The following SMARCA5 variants were observed in gnomAD, a reference collection of about 807,000 sequenced individuals.
SMARCA5 encodes the protein SNF2 related chromatin remodeling ATPase 5, also known as SWI/SNF-related matrix-associated actin-dependent regulator of chromatin subfamily A member 5.
SMARCA5 carries 18 observed loss-of-function variants against 140.4 expected under a neutral mutation model. The observed-to-expected ratio is 0.13, with a 90% CI of 0.09 to 0.19. SMARCA5 has a LOEUF of 0.19. SMARCA5 is among the 10% of genes least tolerant of loss of function. SMARCA5 has a pLI of 1.00. For synonymous variants in SMARCA5, 449 were observed against 419.6 expected (o/e 1.07, Z -0.86); for missense variants, 606 against 1,276.8 (o/e 0.47, Z 8.01).
At chr4:143,528,050 C>T in intron 7 of SMARCA5, 27 bp downstream of exon 7, 2 of 1,510,248 alleles carry the variant, frequency 1.3e-6, no homozygotes, top group Non-Finnish European at 1.8e-6. Flanking sequence ...ATGTGAAAAG[C>T]CTTCATGTAA....
intron 5 of SMARCA5, 56 bp downstream of exon 5, chr4:143,525,607 C>A (rs964604118): frequency 2.5e-6 from 3 of 1,205,022 alleles, no homozygotes; most frequent in East Asian, 2.3e-5. Flanking sequence ...ATATCTTATA[C>A]GTTGATAAAA....
rs1185184189 is a variant in SMARCA5 at position 143,547,987 on chromosome 4, A to G, written c.2832A>G (p.Gly944=). Residue 944 remains glycine, a synonymous_variant, in exon 22 of 24, where the codon GGA becomes GGG. Transcript: ENST00000283131. ...QLRISYGTNK[G]KNYTEEEDRF... ...GAATATCATATGGTACTAACAAAGGAAAAAACTATACTGAAGAAGAAGATC... is the reference window on the plus strand; with the variant it reads ...GAATATCATATGGTACTAACAAAGGGAAAAACTATACTGAAGAAGAAGATC... 20 of 1,611,968 alleles carry G rather than the reference A, an allele frequency of 1.2e-5. No homozygotes were observed. The highest frequency in any genetic ancestry group is 1.5e-5 in the Non-Finnish European group (18 of 1,178,484).
chr4:143,521,658 C>A, intron 3 of SMARCA5, 63 bp downstream of exon 3: 1 of 1,328,758 alleles, frequency 7.5e-7, no homozygotes, highest in Non-Finnish European at 1.0e-6. Flanking sequence ...TCAGTGGAAG[C>A]ATAAAATCAC....
intron 5 of SMARCA5, 34 bp from the exon 6 acceptor site, chr4:143,526,247 T>G: frequency 6.4e-7 from 1 of 1,555,894 alleles, no homozygotes; most frequent in Non-Finnish European, 8.8e-7. Context: ...ATTTTCATTT[T>G]TCACTGCTTC....
chr4:143,550,582 C>T (rs1022924002), intron 23 of SMARCA5, among the ~76,000 whole-genome samples: 4 of 151,992 alleles, frequency 2.6e-5, no homozygotes, highest in South Asian at 4.1e-4. Context: ...CCCCACTTTC[C>T]CCCACCCCCA....
At chr4:143,550,143 A>C (rs533806528) in intron 23 of SMARCA5, 39 bp downstream of exon 23, 1 of 1,209,938 alleles carries the variant, frequency 8.3e-7, no homozygotes, top group African/African-American at 1.6e-5. Flanking sequence ...GGATTATGTA[A>C]ATTTCCCCTT....
intron 17 of SMARCA5, among the ~76,000 whole-genome samples, chr4:143,545,101 C>T (rs960662812): frequency 6.6e-6 from 1 of 151,922 alleles, no homozygotes; most frequent in Non-Finnish European, 1.5e-5. Context: ...CACCACCACC[C>T]CTGGCTAATT....
chr4:143,548,214 G>T, intron 22 of SMARCA5, 74 bp downstream of exon 22: 1 of 861,658 alleles, frequency 1.2e-6, no homozygotes, highest in South Asian at 2.0e-5. Context: ...TCTTTAAGGT[G>T]ACTTTAAAAA....
chr4:143,522,251 C>T (rs1578792455), intron 3 of SMARCA5, among the ~76,000 whole-genome samples: 1 of 152,210 alleles, frequency 6.6e-6, no homozygotes, highest in African/African-American at 2.4e-5. Context: ...TGAAGTGTCA[C>T]GTTGTATGCC....
chr4:143,539,145 C>T (rs1169187435), intron 13 of SMARCA5, among the ~76,000 whole-genome samples: 2 of 152,104 alleles, frequency 1.3e-5, no homozygotes, highest in South Asian at 2.1e-4. Context: ...CCCTGGAGTC[C>T]TCTGCTATAC....
chr4:143,553,194 TG>T lies in SMARCA5; in HGVS notation c.*11del. 1 of 1,597,576 alleles carries T rather than the reference TG, an allele frequency of 6.3e-7. No individual in the cohort carries two copies. The highest frequency in any genetic ancestry group is 8.6e-7 in the Non-Finnish European group (1 of 1,165,246). Reference sequence around the variant, plus strand: ...GAAGCTGAAACTATGAATATGTTTTTGTTTCATAATCACTAACTTTAAACCA... The same window carrying T: ...GAAGCTGAAACTATGAATATGTTTTTTTTCATAATCACTAACTTTAAACCA... On this transcript the variant is annotated 3_prime_UTR_variant, in exon 24 of 24. Transcript: ENST00000283131.
At chr4:143,535,533 G>A (rs952681419) in intron 10 of SMARCA5, among the ~76,000 whole-genome samples, 1 of 152,142 alleles carries the variant, frequency 6.6e-6, no homozygotes, top group African/African-American at 2.4e-5. Context: ...CATGTTATCT[G>A]GGTAAGAGGT....
intron 18 of SMARCA5, 47 bp from the exon 19 acceptor site, chr4:143,545,878 G>A: frequency 6.4e-7 from 1 of 1,558,200 alleles, no homozygotes; most frequent in Non-Finnish European, 8.7e-7. Context: ...TTCATCACAT[G>A]CTCTTTAAAA....
At chr4:143,543,488 T>C (rs749830134) in intron 14 of SMARCA5, 21 bp from the exon 15 acceptor site, 2 of 1,609,088 alleles carry the variant, frequency 1.2e-6, no homozygotes, top group East Asian at 2.2e-5. Context: ...GTTAACATTA[T>C]ACAACACAAT....
intron 9 of SMARCA5, among the ~76,000 whole-genome samples, chr4:143,532,842 C>G (rs1202119870): frequency 1.3e-5 from 2 of 152,082 alleles, no homozygotes; most frequent in Non-Finnish European, 2.9e-5. Flanking sequence ...TATCCAGTTA[C>G]ATTTATTTAG....
chr4:143,523,850 T>A (rs2149817594), intron 3 of SMARCA5, among the ~76,000 whole-genome samples: 1 of 152,288 alleles, frequency 6.6e-6, no homozygotes, highest in African/African-American at 2.4e-5. Context: ...GTATTAAAAC[T>A]TTAGAAAATC....
intron 7 of SMARCA5, 104 bp from the exon 8 acceptor site, chr4:143,528,479 C>T (rs938950370): frequency 9.1e-5 from 84 of 919,204 alleles, no homozygotes; most frequent in Non-Finnish European, 1.2e-4. Flanking sequence ...TTTCTTTAAC[C>T]GGTCTATCAT....
At chr4:143,524,514 C>T (rs760036033) in intron 4 of SMARCA5, 47 bp downstream of exon 4, 26 of 1,236,190 alleles carry the variant, frequency 2.1e-5, no homozygotes, top group Non-Finnish European at 3.0e-5. Flanking sequence ...CCTTTGAGAT[C>T]TCCTTTGGTT....
intron 1 of SMARCA5, among the ~76,000 whole-genome samples, chr4:143,516,257 C>CTTCCTATGTA (rs1201449753): frequency 5.9e-4 from 85 of 144,752 alleles, no homozygotes; most frequent in Middle Eastern, 3.8e-3. Context: ...CAGAAATAGC[C>CTTCCTATGTA]TTCCTATGTA....
Sources: gnomAD v4.1 joint callset for allele counts (sites outside exome capture counted in the v4.1 genomes callset) on GRCh38, gnomAD v4.1.1 for gene constraint, MANE v1.5 for transcripts, NCBI Gene and HGNC (gene_info 2026-07-23, HGNC 2026-07-21) for gene names.